The following METTL15 variants were observed in gnomAD, a reference collection of about 807,000 sequenced individuals.
The protein encoded by METTL15 is methyltransferase 15, mitochondrial 12S rRNA N4-cytidine, also known as 12S rRNA N(4)-cytidine methyltransferase METTL15.
Under a neutral mutation model 38.3 loss-of-function variants are expected in METTL15, and 34 were observed. The ratio of observed to expected loss-of-function variants is 0.89; its 90% CI spans 0.68 to 1.18. The LOEUF is 1.18. METTL15 is among the 50% of genes most tolerant of loss of function. METTL15 has a pLI of 0.00. For synonymous variants in METTL15, 162 were observed against 170.9 expected, an observed-to-expected ratio of 0.95 and a Z score of 0.41; for missense variants, 438 against 498.4, an observed-to-expected ratio of 0.88 and a Z score of 1.15.
chr11:28,366,874 T>C (rs914743968), intron 5 of METTL15, among the ~76,000 whole-genome samples: 6 of 151,972 alleles, frequency 3.9e-5, no homozygotes, highest in African/African-American at 1.4e-4. Context: ...GTCCAAAAGG[T>C]CTTTATGAGA....
chr11:28,216,346 GA>G (rs1249990629), intron 4 of METTL15, among the ~76,000 whole-genome samples: 1 of 152,038 alleles, frequency 6.6e-6, no homozygotes, highest in Non-Finnish European at 1.5e-5. Context: ...GCATTTAATT[GA>G]AGATTAAAAT....
intron 4 of METTL15, among the ~76,000 whole-genome samples, chr11:28,247,198 A>G (rs1303213373): frequency 6.6e-6 from 1 of 152,152 alleles, no homozygotes. Flanking sequence ...CTTAGTATAA[A>G]TAAAGAATGT....
At chr11:28,527,101 G>A (rs1851817489), downstream of METTL15, 1 of 152,118 alleles carries the variant, frequency 6.6e-6, no homozygotes, top group South Asian at 2.1e-4. Context: ...GTTGAATGAT[G>A]TTTAATCCAG....
intron 5 of METTL15, among the ~76,000 whole-genome samples, chr11:28,401,596 C>T (rs1468385833): frequency 1.3e-5 from 2 of 151,930 alleles, no homozygotes; most frequent in Non-Finnish European, 2.9e-5. Flanking sequence ...CAGCGAAGCC[C>T]ATACTAGCCC....
intron 4 of METTL15, among the ~76,000 whole-genome samples, chr11:28,220,102 T>C (rs2133860557): frequency 6.6e-6 from 1 of 152,310 alleles, no homozygotes; most frequent in East Asian, 1.9e-4. Flanking sequence ...CTGAGTTCAA[T>C]TCCTGTATAT....
Position 28,426,308 on chromosome 11 carries a change from A to G in METTL15, c.*424+1944A>G, listed in dbSNP as rs534514072. 6.6e-5 allele frequency among the ~76,000 whole-genome samples: 10 copies of G among 152,276 alleles called. No individual in the cohort carries two copies. The South Asian group carries it at 1.5e-3, about 22-fold the overall frequency. Reference sequence around the variant, plus strand: ...CCTTCTTATGGTTACATAGTATTGTATATGTGCCACATTTTCTTCATCCAG... The same window carrying G: ...CCTTCTTATGGTTACATAGTATTGTGTATGTGCCACATTTTCTTCATCCAG... On this transcript the variant is annotated intron_variant and NMD_transcript_variant, in intron 6 of 7. Coordinates refer to the METTL15 transcript ENST00000532947.
intron 4 of METTL15, among the ~76,000 whole-genome samples, chr11:28,250,112 T>G (rs1854677154): frequency 6.6e-6 from 1 of 152,102 alleles, no homozygotes; most frequent in Non-Finnish European, 1.5e-5. Flanking sequence ...ATTGTCTTTA[T>G]TCAGTGTACT....
At chr11:28,338,406 T>C (rs2133352073), downstream of METTL15, among the ~76,000 whole-genome samples, 1 of 152,282 alleles carries the variant, frequency 6.6e-6, no homozygotes, top group Non-Finnish European at 1.5e-5. Flanking sequence ...ATCACCATCT[T>C]TAGCTACCTG....
intron 6 of METTL15, among the ~76,000 whole-genome samples, chr11:28,473,453 T>TA (rs1431544595): frequency 1.3e-5 from 2 of 152,208 alleles, no homozygotes; most frequent in African/African-American, 4.8e-5. Context: ...AAGGCATACT[T>TA]ATTACATGTC....
At chr11:28,472,923 CT>C (rs1564941098) in intron 6 of METTL15, among the ~76,000 whole-genome samples, 2 of 152,042 alleles carry the variant, frequency 1.3e-5, no homozygotes, top group Non-Finnish European at 2.9e-5. Flanking sequence ...CTGCTTTTCC[CT>C]TTAGAATTTG....
intron 5 of METTL15, among the ~76,000 whole-genome samples, chr11:28,387,740 A>G (rs1850455273): frequency 6.6e-6 from 1 of 152,234 alleles, no homozygotes; most frequent in East Asian, 1.9e-4. Context: ...AAGATGCTGT[A>G]AGAAAAGAAA....
At chr11:28,245,357 A>G (rs1043483264) in intron 4 of METTL15, among the ~76,000 whole-genome samples, 1 of 152,192 alleles carries the variant, frequency 6.6e-6, no homozygotes, top group African/African-American at 2.4e-5. Flanking sequence ...TTCAAGAGAA[A>G]CAGTGATACC....
chr11:28,126,752 T>C (rs1329577654), intron 3 of METTL15, among the ~76,000 whole-genome samples: 1 of 152,138 alleles, frequency 6.6e-6, no homozygotes, highest in African/African-American at 2.4e-5. Context: ...AAATTAGACA[T>C]GGTCTTAGCC....
At chr11:28,425,347 A>T (rs963103388) in intron 6 of METTL15, among the ~76,000 whole-genome samples, 2 of 151,948 alleles carry the variant, frequency 1.3e-5, no homozygotes, top group East Asian at 3.9e-4. Flanking sequence ...TGAAGTCCAG[A>T]CTCCTGAATG....
At chr11:28,219,449 T>A (rs868612155) in intron 4 of METTL15, among the ~76,000 whole-genome samples, 24 of 152,206 alleles carry the variant, frequency 1.6e-4, no homozygotes, top group South Asian at 2.1e-4. Context: ...TTCTTCTCTC[T>A]TTTCTTCTTT....
At chr11:28,208,056 A>C (rs1852442098) in intron 3 of METTL15, among the ~76,000 whole-genome samples, 3 of 152,002 alleles carry the variant, frequency 2.0e-5, no homozygotes, top group South Asian at 2.1e-4. Context: ...GTTTCAAAAA[A>C]CCAGCTCCTG....
chr11:28,378,645 A>G (rs982490525), intron 5 of METTL15, among the ~76,000 whole-genome samples: 2 of 152,150 alleles, frequency 1.3e-5, no homozygotes, highest in South Asian at 2.1e-4. Flanking sequence ...AGCTGTAGAC[A>G]GGAGCTGTTC....
Position 28,331,977 on chromosome 11 carries a change from A to C in METTL15, c.*1136A>C, listed in dbSNP as rs1849829219. 6.6e-6 allele frequency: 1 copy of C among 152,166 alleles called. No homozygotes were observed. Among genetic ancestry groups the C allele is most frequent in the African/African-American group, 2.4e-5 (1 of 41,450 alleles). 9.4% of individuals were successfully genotyped at this position (152,166 alleles called of 1,614,324 possible). A position where few individuals can be genotyped will look rare whatever the true frequency, so the allele number is the denominator to read the frequency against. On this transcript the variant is annotated 3_prime_UTR_variant, in exon 7 of 7. Transcript: ENST00000407364. ...TCATATTTATACTATTAATTTGCTCAGTGCACTTTTTTCAAATACAGAAAA... is the reference window on the plus strand; with the variant it reads ...TCATATTTATACTATTAATTTGCTCCGTGCACTTTTTTCAAATACAGAAAA...
chr11:28,370,287 C>G (rs1329798681), intron 5 of METTL15, among the ~76,000 whole-genome samples: 1 of 145,644 alleles, frequency 6.9e-6, no homozygotes, highest in Non-Finnish European at 1.5e-5. Context: ...ACTTAGCTCT[C>G]ATATATGAGT....
Sources: allele counts gnomAD v4.1 joint callset (sites outside exome capture counted in the v4.1 genomes callset), GRCh38; gene constraint gnomAD v4.1.1; transcripts MANE v1.5; gene names NCBI Gene and HGNC (gene_info 2026-07-23, HGNC 2026-07-21).